PUM2: variants seen among roughly 807,000 people sequenced by gnomAD.
The protein encoded by PUM2 is pumilio homolog 2.
Under a neutral mutation model 124.5 loss-of-function variants are expected in PUM2, and 57 were observed. The ratio of observed to expected loss-of-function variants is 0.46; its 90% CI spans 0.37 to 0.57. The LOEUF is 0.57. Ranked by LOEUF, PUM2 falls within the 20% of genes least tolerant of loss-of-function variation. PUM2 has a pLI of 0.00. For synonymous variants in PUM2, 460 were observed against 446.1 expected, an observed-to-expected ratio of 1.03 and a Z score of -0.39; for missense variants, 1,065 against 1,290.6, an observed-to-expected ratio of 0.83 and a Z score of 2.68.
intron 13 of PUM2, among the ~76,000 whole-genome samples, chr2:20,268,238 T>C (rs974510668): frequency 6.6e-6 from 1 of 152,198 alleles, no homozygotes; most frequent in African/African-American, 2.4e-5. Flanking sequence ...TAGAAGAGTA[T>C]GGGGACTAAT....
At chr2:20,318,017 G>A (rs533728234) in intron 3 of PUM2, among the ~76,000 whole-genome samples, 1 of 152,228 alleles carries the variant, frequency 6.6e-6, no homozygotes, top group Admixed American at 6.5e-5. Context: ...TGTGTCTTAT[G>A]GTAGCACAAT....
chr2:20,305,150 A>G (rs1361449903), intron 7 of PUM2, among the ~76,000 whole-genome samples: 6 of 152,178 alleles, frequency 3.9e-5, no homozygotes, highest in Non-Finnish European at 8.8e-5. Flanking sequence ...TTTAAAGATT[A>G]CGTAAGTCCA....
chr2:20,350,377 G>A (rs1689091676), intron 1 of PUM2: 1 of 761,246 alleles, frequency 1.3e-6, no homozygotes, highest in Non-Finnish European at 1.6e-6. Flanking sequence ...GAAAGCGGCC[G>A]GCGCGGCGCC....
At chr2:20,350,553 C>A in intron 1 of PUM2, 44 bp downstream of exon 1, 1 of 985,564 alleles carries the variant, frequency 1.0e-6, no homozygotes. Flanking sequence ...CCATCCTCGA[C>A]GGCGCCAAAG....
intron 1 of PUM2, among the ~76,000 whole-genome samples, chr2:20,331,186 G>T (rs1424819577): frequency 6.6e-6 from 1 of 151,912 alleles, no homozygotes; most frequent in Non-Finnish European, 1.5e-5. Context: ...AAGGGTAGGG[G>T]ATGAGAAATG....
chr2:20,294,775 T>C (rs1356944916), intron 8 of PUM2, among the ~76,000 whole-genome samples: 3 of 152,218 alleles, frequency 2.0e-5, no homozygotes, highest in Non-Finnish European at 4.4e-5. Context: ...CAACATTTAA[T>C]GAATGCCAAT....
At chr2:20,299,288 T>A (rs1211703853) in intron 7 of PUM2, among the ~76,000 whole-genome samples, 1 of 152,058 alleles carries the variant, frequency 6.6e-6, no homozygotes, top group Non-Finnish European at 1.5e-5. Flanking sequence ...AGCTGGTGTC[T>A]CCTGCTTGGT....
intron 7 of PUM2, 111 bp from the exon 8 acceptor site, chr2:20,297,789 A>T (rs1675987134): frequency 1.8e-6 from 2 of 1,138,700 alleles, no homozygotes; most frequent in Non-Finnish European, 2.5e-6. Context: ...TGGGGAGCAG[A>T]GTGTGCATAA....
At chr2:20,312,510 T>C in intron 3 of PUM2, 87 bp from the exon 4 acceptor site, 1 of 1,216,844 alleles carries the variant, frequency 8.2e-7, no homozygotes, top group East Asian at 2.6e-5. Context: ...GTAAGAAAAA[T>C]CAGCACATTG....
chr2:20,312,134 T>G (rs978894579), intron 4 of PUM2, 102 bp downstream of exon 4: 1 of 1,101,602 alleles, frequency 9.1e-7, no homozygotes, highest in Non-Finnish European at 1.3e-6. Context: ...TTCTCTTAGC[T>G]ATAGGAAGGG....
intron 1 of PUM2, among the ~76,000 whole-genome samples, chr2:20,329,460 A>T (rs2148892453): frequency 6.6e-6 from 1 of 151,878 alleles, no homozygotes; most frequent in Non-Finnish European, 1.5e-5. Flanking sequence ...AAGAAAAGAC[A>T]AAGAAAAAGA....
intron 2 of PUM2, among the ~76,000 whole-genome samples, chr2:20,324,343 T>C (rs1444421482): frequency 6.6e-6 from 1 of 152,208 alleles, no homozygotes; most frequent in African/African-American, 2.4e-5. Flanking sequence ...AATGCTTTCT[T>C]TATATATTAT....
At chr2:20,294,642 T>C (rs1675075610) in intron 8 of PUM2, 124 bp from the exon 9 acceptor site, 2 of 1,121,970 alleles carry the variant, frequency 1.8e-6, no homozygotes, top group South Asian at 1.9e-5. Flanking sequence ...CATGTCTTTA[T>C]AATAAAAGAC....
chr2:20,350,487 C>G (rs1023844381), intron 1 of PUM2, 110 bp downstream of exon 1: 1 of 985,440 alleles, frequency 1.0e-6, no homozygotes, highest in Non-Finnish European at 1.2e-6. Flanking sequence ...CAGGCCCTAT[C>G]CGCCCTCCCG....
intron 2 of PUM2, among the ~76,000 whole-genome samples, chr2:20,322,847 C>A (rs540541701): frequency 6.6e-6 from 1 of 152,154 alleles, no homozygotes; most frequent in Non-Finnish European, 1.5e-5. Flanking sequence ...ACAACAACAA[C>A]AAATGAAACA....
chr2:20,255,023 TC>T, intron 18 of PUM2, 39 bp from the exon 19 acceptor site: 1 of 1,580,042 alleles, frequency 6.3e-7, no homozygotes, highest in Non-Finnish European at 8.6e-7. Context: ...CCTAAGTCAT[TC>T]CTTAAGAATG....
intron 20 of PUM2, among the ~76,000 whole-genome samples, chr2:20,252,475 C>G (rs1663667994): frequency 1.3e-5 from 2 of 152,168 alleles, no homozygotes; most frequent in Non-Finnish European, 2.9e-5. Flanking sequence ...GACCAAAACA[C>G]TTTTACAGAT....
chr2:20,298,978 C>T (rs577528304), intron 7 of PUM2, among the ~76,000 whole-genome samples: 7 of 152,290 alleles, frequency 4.6e-5, no homozygotes, highest in Admixed American at 3.9e-4. Context: ...ATGGAAGCTC[C>T]GCACCCCTTC....
intron 10 of PUM2, among the ~76,000 whole-genome samples, chr2:20,285,736 G>A (rs771623765): frequency 6.6e-6 from 1 of 152,092 alleles, no homozygotes; most frequent in Non-Finnish European, 1.5e-5. Context: ...ATCCTTAAAG[G>A]AGATCATTTT....
Sources: allele counts gnomAD v4.1 joint callset (sites outside exome capture counted in the v4.1 genomes callset), GRCh38; gene constraint gnomAD v4.1.1; transcripts MANE v1.5; gene names NCBI Gene and HGNC (gene_info 2026-07-23, HGNC 2026-07-21).